ATG5: variants seen among roughly 807,000 people sequenced by gnomAD.
ATG5 encodes the protein autophagy protein 5.
Under a neutral mutation model 36.5 loss-of-function variants are expected in ATG5, and 14 were observed. The observed-to-expected ratio is 0.38, with a 90% confidence interval of 0.25 to 0.60. The LOEUF is 0.60. Ranked by LOEUF, ATG5 falls within the 20% of genes least tolerant of loss-of-function variation. The probability of loss-of-function intolerance (pLI) is 0.60; values close to 1 mark genes in which losing one functional copy is unlikely to be tolerated. For missense variants in ATG5, 195 were observed against 326.7 expected (o/e 0.60, Z 3.11); for synonymous variants, 95 against 101.5 (o/e 0.94, Z 0.38).
chr6:106,293,842 C>T (rs541761362), intron 3 of ATG5, among the ~76,000 whole-genome samples: 85 of 152,194 alleles, frequency 5.6e-4, no homozygotes, highest in Admixed American at 2.2e-3. Context: ...AATGGACAAA[C>T]CTTAAGTCAT....
chr6:106,216,154 G>A (rs1777033051), intron 6 of ATG5, among the ~76,000 whole-genome samples: 1 of 152,164 alleles, frequency 6.6e-6, no homozygotes, highest in Non-Finnish European at 1.5e-5. Context: ...TGGTAGAAAT[G>A]TAAAATGGTG....
intron 6 of ATG5, among the ~76,000 whole-genome samples, chr6:106,243,213 G>A (rs1778193829): frequency 6.6e-6 from 1 of 152,166 alleles, no homozygotes; most frequent in Admixed American, 6.5e-5. Context: ...AAATATTAAT[G>A]GCGCTTTAAT....
chr6:106,250,187 T>C (rs978225016), intron 5 of ATG5, among the ~76,000 whole-genome samples: 9 of 152,280 alleles, frequency 5.9e-5, no homozygotes, highest in African/African-American at 2.2e-4. Flanking sequence ...ATTTTTCTAT[T>C]ACTAGACCTG....
At chr6:106,288,814 CATT>C (rs1780187217) in intron 4 of ATG5, among the ~76,000 whole-genome samples, 1 of 152,114 alleles carries the variant, frequency 6.6e-6, no homozygotes, top group Admixed American at 6.5e-5. Flanking sequence ...TTATTATAAA[CATT>C]ATAAACCTAT....
At chr6:106,234,185 C>G (rs1013000647) in intron 6 of ATG5, among the ~76,000 whole-genome samples, 3 of 152,130 alleles carry the variant, frequency 2.0e-5, no homozygotes, top group African/African-American at 7.2e-5. Flanking sequence ...GACCCGGGTA[C>G]ATAGCACCCC....
At chr6:106,192,638 C>G (rs1054595571) in intron 7 of ATG5, among the ~76,000 whole-genome samples, 3 of 152,130 alleles carry the variant, frequency 2.0e-5, no homozygotes, top group African/African-American at 7.2e-5. Flanking sequence ...AGTCTAAGAT[C>G]AAATGATATA....
At chr6:106,276,464 C>CAA (rs35078793) in intron 5 of ATG5, among the ~76,000 whole-genome samples, 7,208 of 109,288 alleles carry the variant, frequency 0.066, 351 homozygotes, top group Non-Finnish European at 0.095. Flanking sequence ...ACTCTGTCTC[C>CAA]AAAAAAAAAA....
intron 1 of ATG5, among the ~76,000 whole-genome samples, chr6:106,322,944 G>A (rs185439566): frequency 0.018 from 2,680 of 151,614 alleles, 42 homozygotes; most frequent in Non-Finnish European, 0.031. Context: ...TTTTGAGACG[G>A]GGTCTCGCTC....
At chr6:106,273,720 CAAT>C (rs1779540167) in intron 5 of ATG5, among the ~76,000 whole-genome samples, 1 of 152,150 alleles carries the variant, frequency 6.6e-6, no homozygotes, top group Admixed American at 6.5e-5. Context: ...CATCTCAAAA[CAAT>C]AATTTCTCAG....
intron 6 of ATG5, among the ~76,000 whole-genome samples, chr6:106,218,354 T>C (rs1777118326): frequency 6.6e-6 from 1 of 152,186 alleles, no homozygotes; most frequent in Non-Finnish European, 1.5e-5. Context: ...AGCAGCCTCA[T>C]TCCCCAGAAA....
intron 6 of ATG5, among the ~76,000 whole-genome samples, chr6:106,228,938 A>G (rs995700294): frequency 5.9e-5 from 9 of 152,244 alleles, no homozygotes; most frequent in African/African-American, 1.9e-4. Context: ...GACTAGAGGC[A>G]GAAAGCTGTC....
At chr6:106,293,222 T>C (rs998396238) in intron 3 of ATG5, 116 bp from the exon 4 acceptor site, 26 of 786,818 alleles carry the variant, frequency 3.3e-5, no homozygotes, top group Non-Finnish European at 5.5e-5. Context: ...TAATCACAAA[T>C]CACAGGAAGA....
At position 106,216,161 on chromosome 6, in the gene ATG5, G is replaced by C. The variant is rs113901479; in HGVS notation, c.574-14072C>G. The stretch of plus-strand genomic sequence containing the variant: ...TACACTGATGGTAGAAATGTAAAAT[G>C]GTGCAGATGCTTTGGAAAACAGTCT... On this transcript the variant is annotated intron_variant, in intron 6 of 7. Coordinates refer to ENST00000369076, the MANE Select transcript of ATG5 (RefSeq NM_004849.4). 5.6e-3 allele frequency among the ~76,000 whole-genome samples: 855 copies of C among 152,232 alleles called. 5 individuals are homozygous for C. The highest frequency in any genetic ancestry group is 0.019 in the African/African-American group (803 of 41,544).
intron 4 of ATG5, among the ~76,000 whole-genome samples, chr6:106,286,236 G>A (rs939163880): frequency 3.9e-5 from 6 of 152,230 alleles, no homozygotes; most frequent in Non-Finnish European, 7.4e-5. Flanking sequence ...TGCATCCTCA[G>A]CTCAACTGAA....
intron 6 of ATG5, among the ~76,000 whole-genome samples, chr6:106,223,043 T>A (rs1359902507): frequency 6.6e-6 from 1 of 152,210 alleles, no homozygotes; most frequent in Non-Finnish European, 1.5e-5. Context: ...TTGATTTCAT[T>A]TAATAATAAC....
At chr6:106,233,561 G>A (rs1448969695) in intron 6 of ATG5, among the ~76,000 whole-genome samples, 1 of 152,172 alleles carries the variant, frequency 6.6e-6, no homozygotes, top group Non-Finnish European at 1.5e-5. Context: ...GCATACCTGA[G>A]TAAGGAAATT....
At position 106,255,894 on chromosome 6, in the gene ATG5, T is replaced by G. The variant is rs548735596; in HGVS notation, c.479-7650A>C. ...AATGTATTCCTGTTACAATCATCTA[T>G]AGATTTATAACCAATAACCTCCTGT... On this transcript the variant is annotated intron_variant, in intron 5 of 7. Transcript: ENST00000369076. 8.5e-5 allele frequency among the ~76,000 whole-genome samples: 13 copies of G among 152,330 alleles called. No individual in the cohort carries two copies. In the South Asian group the frequency reaches 1.2e-3, roughly 15 times the overall value.
intron 6 of ATG5, among the ~76,000 whole-genome samples, chr6:106,229,834 T>G (rs572622956): frequency 1.3e-5 from 2 of 152,246 alleles, no homozygotes; most frequent in African/African-American, 4.8e-5. Context: ...AAGTAACTTT[T>G]AGAGGAAACC....
intron 5 of ATG5, among the ~76,000 whole-genome samples, chr6:106,249,006 A>G (rs566713381): frequency 6.6e-6 from 1 of 152,188 alleles, no homozygotes; most frequent in Non-Finnish European, 1.5e-5. Flanking sequence ...AGATTTTTTT[A>G]AAAAAGCTTT....
Sources: gnomAD v4.1 joint callset for allele counts (sites outside exome capture counted in the v4.1 genomes callset) on GRCh38, gnomAD v4.1.1 for gene constraint, MANE v1.5 for transcripts, NCBI Gene and HGNC (gene_info 2026-07-23, HGNC 2026-07-21) for gene names.